Variants in TMEM92 observed in about 807,000 individuals in gnomAD.
TMEM92 encodes the protein transmembrane protein 92.
A neutral mutation model predicts 14.6 loss-of-function variants in TMEM92; 15 were observed. The ratio of observed to expected loss-of-function variants is 1.03; its 90% CI spans 0.69 to 1.58. The LOEUF (loss-of-function observed/expected upper bound fraction) is 1.58. TMEM92 is among the 40% of genes most tolerant of loss of function. TMEM92 has a pLI of 0.00. For missense variants in TMEM92, 174 were observed against 202.4 expected (o/e 0.86, Z 0.85); for synonymous variants, 85 against 83.3 (o/e 1.02, Z -0.11).
rs112271675 is a variant in TMEM92, at chr17:50,279,832, T to C, written c.*524T>C. On this transcript the variant is annotated 3_prime_UTR_variant, in exon 5 of 5. Transcript: ENST00000507382. ...GGCTGAGGGCCTGCCTCTGGCTGTG[T>C]GGGGAGGTGGGTGGAGAGGTGAGCC... The C allele has an allele frequency of 0.023, 3,980 of 171,440 alleles. 150 individuals carry two copies. The highest frequency in any genetic ancestry group is 0.088 in the African/African-American group (3,647 of 41,564). 10.6% of individuals were successfully genotyped at this position (171,440 alleles called of 1,614,324 possible).
upstream of TMEM92, among the ~76,000 whole-genome samples, chr17:50,271,805 A>G (rs57683264): frequency 0.19 from 28,426 of 152,058 alleles, 2,762 homozygotes; most frequent in Middle Eastern, 0.3. Context: ...TTGGGAGGCC[A>G]AGGTGGGCAT....
intron 2 of TMEM92, 38 bp downstream of exon 2, chr17:50,277,778 G>A: frequency 6.2e-7 from 1 of 1,613,678 alleles, no homozygotes. Context: ...CTGGGGAGCG[G>A]GGAGGAGCAA....
At chr17:50,273,623 C>G (rs1387851451), upstream of TMEM92, among the ~76,000 whole-genome samples, 1 of 152,244 alleles carries the variant, frequency 6.6e-6, no homozygotes. Context: ...ACGTTGTGCT[C>G]CTGGTCTTCC....
rs541647177 is a variant in TMEM92, at chr17:50,278,764, TG to T, written c.171-33del. 6.8e-4 allele frequency: 1,075 copies of T among 1,583,126 alleles called. 35 individuals carry two copies. The East Asian group carries it at 0.024, about 35-fold the overall frequency. ...GATGTAGGGAGTCCCCAGGGTGGCC[TG>T]GGGACTCAGGGTACTCTTGGTGGTC... On this transcript the variant is annotated intron_variant, in intron 3 of 4. Coordinates refer to ENST00000507382, the MANE Select transcript of TMEM92 (RefSeq NM_153229.3).
chr17:50,278,797 C>T lies in TMEM92; in HGVS notation c.171-4C>T, dbSNP rs371912963. ...CAGGGTACTCTTGGTGGTCCCCACC[C>T]CAGGATCTTCGTCATCATCTTCCTG... On this transcript the variant is annotated splice_region_variant and splice_polypyrimidine_tract_variant and intron_variant, in intron 3 of 4. Coordinates refer to ENST00000507382, the MANE Select transcript of TMEM92 (RefSeq NM_153229.3). 1 of 1,607,168 alleles carries T rather than the reference C, an allele frequency of 6.2e-7. No homozygotes were observed. Among genetic ancestry groups the T allele is most frequent in the South Asian group, 1.1e-5 (1 of 90,390 alleles).
upstream of TMEM92, chr17:50,274,336 C>T: frequency 1.5e-6 from 1 of 657,784 alleles, no homozygotes; most frequent in African/African-American, 1.8e-5. Flanking sequence ...GACCTCTGCG[C>T]CTCCCTTCCT....
intron 1 of TMEM92, among the ~76,000 whole-genome samples, chr17:50,276,773 CA>C (rs1910445487): frequency 6.6e-6 from 1 of 152,176 alleles, no homozygotes; most frequent in Admixed American, 6.5e-5. Flanking sequence ...AATGATGCAG[CA>C]AAAATCCCTG....
chr17:50,273,895 G>GGAGT (rs1293427642), upstream of TMEM92, among the ~76,000 whole-genome samples: 1 of 152,184 alleles, frequency 6.6e-6, no homozygotes, highest in Non-Finnish European at 1.5e-5. Context: ...GGGGCACTTA[G>GGAGT]GAGTGGAGGA....
At position 50,279,909 on chromosome 17, in the gene TMEM92, A is replaced by G. The variant is rs77685778; in HGVS notation, c.*601A>G. ...GGGGTCGCTGCGCCGCAATCCCACC[A>G]CTGATGAGCCACCTGGGAGGTCTGG... On this transcript the variant is annotated 3_prime_UTR_variant, in exon 5 of 5. Coordinates refer to ENST00000507382, the MANE Select transcript of TMEM92 (RefSeq NM_153229.3). 1,533 of 154,370 alleles carry G rather than the reference A, an allele frequency of 9.9e-3. 18 individuals are homozygous for G. The highest frequency in any genetic ancestry group is 0.026 in the Middle Eastern group (8 of 302). The allele number at this position is 154,370 out of a possible 1,614,324, so 9.6% of individuals were successfully genotyped here. A position where few individuals can be genotyped will look rare whatever the true frequency, so the allele number is the denominator to read the frequency against.
upstream of TMEM92, chr17:50,274,460 C>G: frequency 6.2e-7 from 1 of 1,609,778 alleles, no homozygotes; most frequent in African/African-American, 1.3e-5. Flanking sequence ...GTCGCAGCCC[C>G]GCCTTCTCTA....
rs141491658 is a variant in TMEM92, at chr17:50,277,577, G to C, written c.70-138G>C. On this transcript the variant is annotated intron_variant, in intron 1 of 4. Transcript: ENST00000507382. ...CTGGGAACACGGTGGAGTGAGGTGGGGGGTGGCTTGCAGGAAGAGGCTGAG... is the reference window on the plus strand; with the variant it reads ...CTGGGAACACGGTGGAGTGAGGTGGCGGGTGGCTTGCAGGAAGAGGCTGAG... 908 of 950,518 alleles carry C rather than the reference G, an allele frequency of 9.6e-4. 19 individuals are homozygous for C. In the East Asian group the frequency reaches 0.018, roughly 19 times the overall value. The allele number at this position is 950,518 out of a possible 1,614,324, so 58.9% of individuals were successfully genotyped here. A position where few individuals can be genotyped will look rare whatever the true frequency, so the allele number is the denominator to read the frequency against.
chr17:50,272,219 G>A (rs184114709), upstream of TMEM92, among the ~76,000 whole-genome samples: 78 of 151,524 alleles, frequency 5.1e-4, no homozygotes, highest in Non-Finnish European at 7.4e-4. Context: ...ACTGGTGCCC[G>A]CCTAGTTCCC....
At position 50,279,929 on chromosome 17, in the gene TMEM92, G is replaced by A. The variant is rs1364857702; in HGVS notation, c.*621G>A. 6.5e-6 allele frequency: 1 copy of A among 154,096 alleles called. No homozygotes were observed. The highest frequency in any genetic ancestry group is 1.4e-5 in the Non-Finnish European group (1 of 69,454). The allele number at this position is 154,096 out of a possible 1,614,324, so 9.5% of individuals were successfully genotyped here. A position where few individuals can be genotyped will look rare whatever the true frequency, so the allele number is the denominator to read the frequency against. On this transcript the variant is annotated 3_prime_UTR_variant, in exon 5 of 5. Coordinates refer to ENST00000507382, the MANE Select transcript of TMEM92 (RefSeq NM_153229.3). ...CCACCACTGATGAGCCACCTGGGAG[G>A]TCTGGGAGGACAGTCCATCCATGGG... is the stretch of plus-strand genomic sequence containing the variant.
At chr17:50,272,767 G>A (rs200699308), upstream of TMEM92, among the ~76,000 whole-genome samples, 1 of 152,194 alleles carries the variant, frequency 6.6e-6, no homozygotes, top group Admixed American at 6.5e-5. Flanking sequence ...AGAGACTGGG[G>A]GTGCAGGACC....
chr17:50,278,755 A>G (rs1910512801), intron 3 of TMEM92, 46 bp from the exon 4 acceptor site: 1 of 1,576,862 alleles, frequency 6.3e-7, no homozygotes, highest in East Asian at 2.2e-5. Context: ...GGGAGTCCCC[A>G]GGGTGGCCTG....
chr17:50,279,090 C>T, intron 4 of TMEM92, 94 bp downstream of exon 4: 3 of 1,430,180 alleles, frequency 2.1e-6, no homozygotes, highest in Non-Finnish European at 2.9e-6. Context: ...ACTCTGCACC[C>T]AGCATTGGGT....
chr17:50,271,711 A>G (rs1045691043), upstream of TMEM92, among the ~76,000 whole-genome samples: 2 of 152,212 alleles, frequency 1.3e-5, no homozygotes, highest in Admixed American at 1.3e-4. Context: ...TGAATTTCAG[A>G]TAGAAAAGTA....
intron 3 of TMEM92, 23 bp from the exon 4 acceptor site, chr17:50,278,778 A>G (rs1372785768): frequency 1.9e-6 from 3 of 1,590,096 alleles, no homozygotes; most frequent in Non-Finnish European, 2.6e-6. Flanking sequence ...GACTCAGGGT[A>G]CTCTTGGTGG....
intron 4 of TMEM92, 58 bp from the exon 5 acceptor site, chr17:50,279,137 G>A: frequency 1.3e-6 from 2 of 1,550,506 alleles, no homozygotes; most frequent in Non-Finnish European, 1.8e-6. Flanking sequence ...CAGCTGGGAT[G>A]GGGGAGTGGT....
Sources: allele counts gnomAD v4.1 joint callset (sites outside exome capture counted in the v4.1 genomes callset), GRCh38; gene constraint gnomAD v4.1.1; transcripts MANE v1.5; gene names NCBI Gene and HGNC (gene_info 2026-07-23, HGNC 2026-07-21).